The following NOTCH1 variants were observed in gnomAD, a reference collection of about 807,000 sequenced individuals.
NOTCH1 encodes neurogenic locus notch homolog protein 1.
A neutral mutation model predicts 254.8 loss-of-function variants in NOTCH1; 37 were observed. The ratio of observed to expected loss-of-function variants is 0.15; its 90% CI spans 0.11 to 0.19. The LOEUF is 0.19. Ranked by LOEUF, NOTCH1 falls within the 10% of genes least tolerant of loss-of-function variation. The pLI is 1.00. For synonymous variants in NOTCH1, 1,731 were observed against 1,618.1 expected (o/e 1.07, Z -1.68); for missense variants, 2,972 against 3,708.6 (o/e 0.80, Z 5.16).
At chr9:136,535,597 A>T (rs1226324159) in intron 2 of NOTCH1, among the ~76,000 whole-genome samples, 2 of 12,068 alleles carry the variant, frequency 1.7e-4, no homozygotes, top group Non-Finnish European at 3.2e-4. Flanking sequence ...GATCCCTCCC[A>T]GGGGCAATGG....
chr9:136,497,588 G>A (rs1414511400), intron 33 of NOTCH1, 30 bp from the exon 34 acceptor site: 1 of 1,539,580 alleles, frequency 6.5e-7, no homozygotes, highest in Non-Finnish European at 8.7e-7. Context: ...GCCGGTGAGG[G>A]GGGCCAGGCC....
rs1227645804 is a variant in NOTCH1 at position 136,540,281 on chromosome 9, G to A, written c.140+3743C>T. Among the ~76,000 whole-genome samples the A allele has an allele frequency of 6.6e-6, 1 of 152,186 alleles. No individual in the cohort carries two copies. The highest frequency in any genetic ancestry group is 1.5e-5 in the Non-Finnish European group (1 of 68,010). ...CTGTCCCCACCGGGGGCCTGGCCTG[G>A]AGCAGAACGCAGCACACAGCAGGCG... On this transcript the variant is annotated intron_variant, in intron 2 of 33. Transcript: ENST00000651671. This position sits in a 1 kb window ranked among gnomAD's most constrained non-coding sequence, Gnocchi z 4.4.
intron 15 of NOTCH1, 39 bp downstream of exon 15, chr9:136,512,982 G>GGCCCC: frequency 1.5e-6 from 1 of 663,498 alleles, no homozygotes; most frequent in South Asian, 1.5e-5. Context: ...TCCCACATAG[G>GGCCCC]CCCCGCCCCC....
chr9:136,517,950 C>T lies in NOTCH1; in HGVS notation c.1256-13G>A, dbSNP rs2133369121. 1.2e-6 allele frequency: 2 copies of T among 1,607,374 alleles called. No homozygotes were observed. ...CAGGGGTTGGCACCTGGCGAGGGCACACGGGTGAGAGGCTGCTCCAGGCAC... is the reference window on the plus strand; with the variant it reads ...CAGGGGTTGGCACCTGGCGAGGGCATACGGGTGAGAGGCTGCTCCAGGCAC... On this transcript the variant is annotated splice_polypyrimidine_tract_variant and intron_variant, in intron 7 of 33. Coordinates refer to ENST00000651671, the MANE Select transcript of NOTCH1 (RefSeq NM_017617.5).
In NOTCH1 at chr9:136,513,363, C is replaced by T. The variant is rs754605860; in HGVS notation, c.2353+29G>A. ...GCTCCCCAGACTCGAGGGCGGCCCT[C>T]TGCACTGAGAAACGCGCAGCCCACT... On this transcript the variant is annotated intron_variant, in intron 14 of 33. Transcript: ENST00000651671. This position sits in a 1 kb window ranked among gnomAD's most constrained non-coding sequence, Gnocchi z 4.7. The T allele has an allele frequency of 6.2e-7, 1 of 1,612,420 alleles. No individual in the cohort carries two copies. Among genetic ancestry groups the T allele is most frequent in the Non-Finnish European group, 8.5e-7 (1 of 1,179,976 alleles).
intron 12 of NOTCH1, 76 bp from the exon 13 acceptor site, chr9:136,514,778 C>A: frequency 1.4e-6 from 2 of 1,445,386 alleles, no homozygotes; most frequent in South Asian, 1.2e-5. Flanking sequence ...ATTTCCCTGT[C>A]TGTTGAGCCG....
chr9:136,509,831 C>G lies in NOTCH1; in HGVS notation c.2871G>C (p.Gly957=), dbSNP rs1311601303. 2 of 1,613,194 alleles carry G rather than the reference C, an allele frequency of 1.2e-6. No individual in the cohort carries two copies. The highest frequency in any genetic ancestry group is 1.7e-6 in the Non-Finnish European group (2 of 1,180,030). ...TGTCCACGCAGTCCGTGCAGTTGGC[C>G]CCGTTGCGGCAGGGGTCACTGGCAC... ...NECASDPCRN[G]ANCTDCVDSY... Residue 957 remains glycine, a synonymous_variant, in exon 18 of 34, where the codon GGG becomes GGC. Transcript: ENST00000651671.
chr9:136,495,428 C>A lies in NOTCH1; in HGVS notation c.*643G>T, dbSNP rs1028741003. ...TTTTCACAAGCATGCTTGCAAGAAACCATCTAAAACACATGGCAACATCTA... is the reference window on the plus strand; with the variant it reads ...TTTTCACAAGCATGCTTGCAAGAAAACATCTAAAACACATGGCAACATCTA... On this transcript the variant is annotated 3_prime_UTR_variant, in exon 34 of 34. Coordinates refer to ENST00000651671, the MANE Select transcript of NOTCH1 (RefSeq NM_017617.5). 29 of 398,826 alleles carry A rather than the reference C, an allele frequency of 7.3e-5. No homozygotes were observed. Among genetic ancestry groups the A allele is most frequent in the Non-Finnish European group, 1.1e-4 (26 of 226,180 alleles). 24.7% of individuals were successfully genotyped at this position (398,826 alleles called of 1,614,324 possible).
chr9:136,524,477 G>A (rs1007578200), intron 2 of NOTCH1, among the ~76,000 whole-genome samples: 16 of 152,304 alleles, frequency 1.1e-4, no homozygotes, highest in African/African-American at 3.1e-4. Flanking sequence ...CTCCGGGTCT[G>A]CAGGCCTATC....
Position 136,507,113 on chromosome 9 carries a change from A to G in NOTCH1, c.3644-140T>C, listed in dbSNP as rs7870145. 0.12 allele frequency: 181,592 copies of G among 1,456,852 alleles called. 13,033 individuals are homozygous for G. The highest frequency in any genetic ancestry group is 0.25 in the South Asian group (20,625 of 82,270). The allele number at this position is 1,456,852 out of a possible 1,614,324, so 90.2% of individuals were successfully genotyped here. On this transcript the variant is annotated intron_variant, in intron 22 of 33. Coordinates refer to ENST00000651671, the MANE Select transcript of NOTCH1 (RefSeq NM_017617.5). ...GAGGCAGGTGTCAAGGGTGCCGTGG[A>G]GACGCCCTTCCCACTGGGACCCCCG... is the stretch of plus-strand genomic sequence containing the variant.
rs2133318284 is a variant in NOTCH1 at position 136,497,244 on chromosome 9, G to C, written c.6495C>G (p.Gly2165=). ...TGGCCTCCTTGCTTCCACAGGCCAGGCCTTTGCTGCTGGGCTTGCGGACCT... is the reference window on the plus strand; with the variant it reads ...TGGCCTCCTTGCTTCCACAGGCCAGCCCTTTGCTGCTGGGCTTGCGGACCT... ...GKKVRKPSSK[G]LACGSKEAKD... is the part of the protein sequence containing the mutation. Residue 2165 remains glycine (G), a synonymous_variant, in exon 34 of 34, where the codon GGC becomes GGG. Coordinates refer to ENST00000651671, the MANE Select transcript of NOTCH1 (RefSeq NM_017617.5). 1 of 1,612,252 alleles carries C rather than the reference G, an allele frequency of 6.2e-7. No individual in the cohort carries two copies. The highest frequency in any genetic ancestry group is 2.2e-5 in the East Asian group (1 of 44,876).
intron 10 of NOTCH1, 92 bp from the exon 11 acceptor site, chr9:136,515,808 G>T: frequency 7.7e-7 from 1 of 1,296,506 alleles, no homozygotes. Context: ...GTGCCAACCT[G>T]AGGAGGGCTC....
At position 136,495,103 on chromosome 9, in the gene NOTCH1, C is replaced by G. The variant is rs957345169; in HGVS notation, c.*968G>C. The G allele has an allele frequency of 1.0e-5, 4 of 398,998 alleles. No homozygotes were observed. The highest frequency in any genetic ancestry group is 8.2e-5 in the African/African-American group (4 of 48,650). 24.7% of individuals were successfully genotyped at this position (398,998 alleles called of 1,614,324 possible). ...GTTGCTGGAGCATCTTCTTCGGAAC[C>G]TGGGGGACACTGTGCAGGCTGAGGT... On this transcript the variant is annotated 3_prime_UTR_variant, in exon 34 of 34. Coordinates refer to ENST00000651671, the MANE Select transcript of NOTCH1 (RefSeq NM_017617.5).
chr9:136,518,196 G>T lies in NOTCH1; in HGVS notation c.1196C>A (p.Thr399Asn), dbSNP rs770851983. 1 of 1,605,920 alleles carries T rather than the reference G, an allele frequency of 6.2e-7. No homozygotes were observed. The change falls in exon 7 of 34, where the codon ACC (threonine) becomes AAC (asparagine). Residue 399 changes from threonine (T) to asparagine (N), a missense_variant. Physicochemically the swap from Thr to Asn is moderately conservative, Grantham distance 65. This residue lies in a region of NOTCH1 where 90 missense variants were observed against 183.6 expected (regional missense o/e 0.49). Coordinates refer to ENST00000651671, the MANE Select transcript of NOTCH1 (RefSeq NM_017617.5). The stretch of plus-strand genomic sequence containing the variant: ...CGGGCCCGTGTACCCCGAGGGGCAG[G>T]TGCAGATGGCCTTGCCATTGACAGG... ...TNPVNGKAIC[T>N]CPSGYTGPAC... is the part of the protein sequence containing the mutation.
At position 136,496,920 on chromosome 9, in the gene NOTCH1, G is replaced by C; in HGVS notation, c.6819C>G (p.Leu2273=). The C allele has an allele frequency of 6.2e-7, 1 of 1,612,490 alleles. No homozygotes were observed. The highest frequency in any genetic ancestry group is 8.5e-7 in the Non-Finnish European group (1 of 1,179,872). ...RLAFETGPPR[L]SHLPVASGTS... is the part of the protein sequence containing the mutation. The stretch of plus-strand genomic sequence containing the variant: ...TGCCAGAGGCCACAGGCAGGTGGGA[G>C]AGACGAGGTGGGCCAGTCTCAAAGG... Residue 2273 remains leucine, a synonymous_variant, in exon 34 of 34, where the codon CTC becomes CTG. Transcript: ENST00000651671.
chr9:136,542,239 C>T (rs1843742530), intron 2 of NOTCH1, among the ~76,000 whole-genome samples: 1 of 152,268 alleles, frequency 6.6e-6, no homozygotes, highest in African/African-American at 2.4e-5. Flanking sequence ...CAACAGGCCC[C>T]CAATTTTCCC....
chr9:136,545,994 G>GCGC lies in NOTCH1; in HGVS notation c.-209_-208insGCG, dbSNP rs1843811988. On this transcript the variant is annotated 5_prime_UTR_variant, in exon 1 of 34. Transcript: ENST00000651671. The surrounding 1 kb of genome is among the most constrained non-coding windows in gnomAD (Gnocchi z 6.8). The stretch of plus-strand genomic sequence containing the variant: ...GTTCCTTCGCTGCGCTCGCGCCCGC[G>GCGC]CCCGCGCCCCGCGCCCCGCGCCCTT... Among the ~76,000 whole-genome samples, 3 of 124,374 alleles carry GCGC rather than the reference G, an allele frequency of 2.4e-5. No homozygotes were observed. Among genetic ancestry groups the GCGC allele is most frequent in the Admixed American group, 2.2e-4 (3 of 13,608 alleles). 81.6% of individuals were successfully genotyped at this position (124,374 alleles called of 152,430 possible). A position where few individuals can be genotyped will look rare whatever the true frequency, so the allele number is the denominator to read the frequency against.
At position 136,513,997 on chromosome 9, in the gene NOTCH1, C is replaced by CT. The variant is rs1224521220; in HGVS notation, c.2208-461dup. Among the ~76,000 whole-genome samples, 1 of 152,158 alleles carries CT rather than the reference C, an allele frequency of 6.6e-6. No homozygotes were observed. Among genetic ancestry groups the CT allele is most frequent in the Non-Finnish European group, 1.5e-5 (1 of 68,032 alleles). The stretch of plus-strand genomic sequence containing the variant: ...AAAGAAAAAAGTGGGGGCCGCAGCG[C>CT]TTCCCATACCCAAGACTGCGGCAGG... On this transcript the variant is annotated intron_variant, in intron 13 of 33. Coordinates refer to ENST00000651671, the MANE Select transcript of NOTCH1 (RefSeq NM_017617.5). This position sits in a 1 kb window ranked among gnomAD's most constrained non-coding sequence, Gnocchi z 4.7.
chr9:136,508,014 G>A lies in NOTCH1; in HGVS notation c.3451C>T (p.Pro1151Ser). 3.7e-6 allele frequency: 6 copies of A among 1,612,560 alleles called. No individual in the cohort carries two copies. The highest frequency in any genetic ancestry group is 4.2e-6 in the Non-Finnish European group (5 of 1,180,014). Residue 1151 changes from proline (P) to serine (S), a missense_variant, in exon 21 of 34, where the codon CCC (proline) becomes TCC (serine). This residue lies in a region of NOTCH1 where 1,343 missense variants were observed against 1,557.0 expected (regional missense o/e 0.86). Transcript: ENST00000651671. ...GTGGCCCCGTTCTGGCAGGGGCTGG[G>A]TGAGCACTCGTCCACCAGGTCCTCA... ...YCEDLVDECS[P>S]SPCQNGATCT...
Sources: gnomAD v4.1 joint callset for allele counts (sites outside exome capture counted in the v4.1 genomes callset) on GRCh38, gnomAD v4.1.1 for gene constraint, gnomAD v4.1.1 regional missense constraint, Gnocchi (gnomAD v3.1) non-coding constraint, MANE v1.5 for transcripts, NCBI Gene and HGNC (gene_info 2026-07-23, HGNC 2026-07-21) for gene names.